Variants in CDC42BPA observed in about 807,000 individuals in gnomAD.
CDC42BPA encodes CDC42 binding protein kinase alpha, also known as serine/threonine-protein kinase MRCK alpha.
A neutral mutation model predicts 223.5 loss-of-function variants in CDC42BPA; 80 were observed. The observed-to-expected ratio is 0.36, with a 90% CI of 0.30 to 0.43. The LOEUF is 0.43. Ranked by LOEUF, CDC42BPA falls within the 20% of genes least tolerant of loss-of-function variation. CDC42BPA has a pLI of 1.00. For missense variants in CDC42BPA, 1,743 were observed against 2,099.9 expected (o/e 0.83, Z 3.32); for synonymous variants, 694 against 718.6 (o/e 0.97, Z 0.55).
rs543165511 is a variant in CDC42BPA at position 227,317,659 on chromosome 1, G to C, written c.-477C>G. 11 of 395,334 alleles carry C rather than the reference G, an allele frequency of 2.8e-5. No individual in the cohort carries two copies. In the South Asian group the frequency reaches 1.1e-3, roughly 38 times the overall value. The allele number at this position is 395,334 out of a possible 1,614,324, so 24.5% of individuals were successfully genotyped here. The stretch of plus-strand genomic sequence containing the variant: ...GGGAAGAAGAAAAACAGAAAAGGGA[G>C]GAAAAAAACAGAATGCATAGAAGGG... On this transcript the variant is annotated 5_prime_UTR_variant, in exon 1 of 37. Coordinates refer to ENST00000366766, the MANE Select transcript of CDC42BPA (RefSeq NM_001394014.1).
chr1:227,316,861 G>A, intron 1 of CDC42BPA, 144 bp downstream of exon 1: 1 of 650,598 alleles, frequency 1.5e-6, no homozygotes, highest in Non-Finnish European at 2.6e-6. Flanking sequence ...CCAAAAACTA[G>A]CGGAAAATCT....
chr1:227,160,229 C>T (rs1663621132), intron 6 of CDC42BPA, among the ~76,000 whole-genome samples: 1 of 152,110 alleles, frequency 6.6e-6, no homozygotes, highest in Admixed American at 6.6e-5. Context: ...AGTTCTTTTA[C>T]CCCCGGTGAA....
intron 2 of CDC42BPA, among the ~76,000 whole-genome samples, chr1:227,226,125 C>A (rs1305837324): frequency 6.6e-6 from 1 of 152,144 alleles, no homozygotes; most frequent in Admixed American, 6.5e-5. Flanking sequence ...CAAGATCTGT[C>A]CTCTTGCAAT....
intron 11 of CDC42BPA, among the ~76,000 whole-genome samples, chr1:227,122,929 G>A (rs1047022220): frequency 6.6e-6 from 1 of 152,162 alleles, no homozygotes; most frequent in Non-Finnish European, 1.5e-5. Flanking sequence ...GAAATCCAGA[G>A]ACTATTATAA....
At chr1:227,014,913 T>C (rs1013009281) in intron 34 of CDC42BPA, among the ~76,000 whole-genome samples, 1 of 152,198 alleles carries the variant, frequency 6.6e-6, no homozygotes, top group African/African-American at 2.4e-5. Flanking sequence ...ACATGACCGG[T>C]CTGAGAGCCT....
intron 4 of CDC42BPA, among the ~76,000 whole-genome samples, chr1:227,198,988 T>A (rs900770419): frequency 6.6e-6 from 1 of 152,096 alleles, no homozygotes; most frequent in Non-Finnish European, 1.5e-5. Context: ...AACCTCATGA[T>A]CCTCCCGCCT....
chr1:227,243,272 A>C (rs535127488), intron 2 of CDC42BPA, among the ~76,000 whole-genome samples: 1 of 152,326 alleles, frequency 6.6e-6, no homozygotes, highest in African/African-American at 2.4e-5. Flanking sequence ...AATGCCCATG[A>C]CACAAGTTTA....
At chr1:227,288,676 A>G (rs1689192058) in intron 1 of CDC42BPA, among the ~76,000 whole-genome samples, 1 of 151,944 alleles carries the variant, frequency 6.6e-6, no homozygotes, top group African/African-American at 2.4e-5. Context: ...AGCCTGGGTG[A>G]CAGACCAAGA....
At chr1:227,101,554 T>C (rs1167317118) in intron 14 of CDC42BPA, among the ~76,000 whole-genome samples, 1 of 152,168 alleles carries the variant, frequency 6.6e-6, no homozygotes, top group African/African-American at 2.4e-5. Context: ...TTCTAATTTA[T>C]TTACAATTAT....
At chr1:227,144,533 C>CCACAGCACTCCAGCCTGGGAGA (rs1180981320) in intron 8 of CDC42BPA, among the ~76,000 whole-genome samples, 4 of 116,970 alleles carry the variant, frequency 3.4e-5, no homozygotes, top group Non-Finnish European at 4.8e-5. Context: ...CGAGATTGTG[C>CCACAGCACTCCAGCCTGGGAGA]CACAGCACTC....
chr1:227,131,750 C>G (rs567723832), intron 10 of CDC42BPA, among the ~76,000 whole-genome samples: 2 of 152,272 alleles, frequency 1.3e-5, no homozygotes, highest in East Asian at 3.9e-4. Flanking sequence ...AATAGGGAAG[C>G]TACCCTAAAA....
chr1:227,036,033 A>G (rs576440090), intron 24 of CDC42BPA, among the ~76,000 whole-genome samples: 1 of 152,260 alleles, frequency 6.6e-6, no homozygotes, highest in East Asian at 1.9e-4. Context: ...GGTTTGGCAA[A>G]CTCTACCAAT....
At chr1:227,250,259 G>A (rs963694550) in intron 2 of CDC42BPA, among the ~76,000 whole-genome samples, 2 of 151,976 alleles carry the variant, frequency 1.3e-5, no homozygotes, top group Non-Finnish European at 2.9e-5. Flanking sequence ...AGGCCAAGAT[G>A]GGTGCATCAC....
rs570910631 is a variant in CDC42BPA, at chr1:227,003,402, G to A, written c.4975+1592C>T. ...ATCTCCAAGCAAGTACCATGCTCCC[G>A]GGAAAGCACACACTTGAGAAAGTTA... is the stretch of plus-strand genomic sequence containing the variant. On this transcript the variant is annotated intron_variant, in intron 35 of 36. Transcript: ENST00000366766. Among the ~76,000 whole-genome samples, 11 of 152,188 alleles carry A rather than the reference G, an allele frequency of 7.2e-5. No homozygotes were observed. The South Asian group carries it at 8.3e-4, about 11-fold the overall frequency.
chr1:227,236,926 C>T (rs950323195), intron 2 of CDC42BPA, among the ~76,000 whole-genome samples: 4 of 151,636 alleles, frequency 2.6e-5, no homozygotes, highest in African/African-American at 9.7e-5. Flanking sequence ...GCCTGTGGTA[C>T]CAGCTACTCA....
At chr1:227,185,149 G>T (rs1668547844) in intron 5 of CDC42BPA, among the ~76,000 whole-genome samples, 1 of 128,340 alleles carries the variant, frequency 7.8e-6, no homozygotes, top group Non-Finnish European at 1.7e-5. Flanking sequence ...ATCTTTACAA[G>T]AAATTTTTTT....
At chr1:227,103,609 T>C (rs1449992019) in intron 14 of CDC42BPA, among the ~76,000 whole-genome samples, 1 of 152,096 alleles carries the variant, frequency 6.6e-6, no homozygotes, top group Non-Finnish European at 1.5e-5. Context: ...GAAAATATAC[T>C]TTTCAAATAT....
At chr1:227,225,737 T>C (rs7547092) in intron 2 of CDC42BPA, among the ~76,000 whole-genome samples, 8,195 of 152,270 alleles carry the variant, frequency 0.054, 245 homozygotes, top group Non-Finnish European at 0.072. Flanking sequence ...ATGGGATAAT[T>C]TTAAAGAAGC....
intron 11 of CDC42BPA, among the ~76,000 whole-genome samples, chr1:227,124,083 A>AAT (rs1337944371): frequency 1.3e-5 from 2 of 152,068 alleles, no homozygotes; most frequent in African/African-American, 2.4e-5. Flanking sequence ...ATACTCAACA[A>AAT]ATATATATAT....
Sources: gnomAD v4.1 joint callset for allele counts (sites outside exome capture counted in the v4.1 genomes callset) on GRCh38, gnomAD v4.1.1 for gene constraint, MANE v1.5 for transcripts, NCBI Gene and HGNC (gene_info 2026-07-23, HGNC 2026-07-21) for gene names.